Variants in GRIP1 observed in about 807,000 individuals in gnomAD.
GRIP1 encodes the protein glutamate receptor interacting protein 1.
GRIP1 carries 45 observed loss-of-function variants against 129.9 expected under a neutral mutation model. That is an observed-to-expected ratio of 0.35 (90% CI 0.27 to 0.44). The LOEUF (loss-of-function observed/expected upper bound fraction) is 0.44, where lower values mean the gene tolerates loss of function less well. Ranked by LOEUF, GRIP1 falls within the 20% of genes least tolerant of loss-of-function variation. The pLI is 1.00. For missense variants in GRIP1, 1,196 were observed against 1,396.8 expected, an observed-to-expected ratio of 0.86 and a Z score of 2.29; for synonymous variants, 530 against 520.8, an observed-to-expected ratio of 1.02 and a Z score of -0.24.
chr12:66,669,932 T>C (rs1370269289), intron 1 of GRIP1, among the ~76,000 whole-genome samples: 2 of 152,198 alleles, frequency 1.3e-5, no homozygotes, highest in Non-Finnish European at 2.9e-5. Flanking sequence ...TAATTGCAAA[T>C]TTATATAATT....
At chr12:66,586,418 C>T (rs936664635) in intron 2 of GRIP1, among the ~76,000 whole-genome samples, 1 of 152,200 alleles carries the variant, frequency 6.6e-6, no homozygotes, top group Non-Finnish European at 1.5e-5. Context: ...TCTTCCTTCA[C>T]TGCCAACCTC....
Position 66,476,117 on chromosome 12 carries a change from G to C in GRIP1, c.725-10695C>G, listed in dbSNP as rs2138483206. 1.3e-5 allele frequency among the ~76,000 whole-genome samples: 2 copies of C among 152,154 alleles called. 1 individual carries two copies. The highest frequency in any genetic ancestry group is 3.9e-4 in the East Asian group (2 of 5,178). Reference sequence around the variant, plus strand: ...AAAAGATCAACAAAACTGATAGACTGCTAGCAAGACTAATAAAGAAAAGAG... The same window carrying C: ...AAAAGATCAACAAAACTGATAGACTCCTAGCAAGACTAATAAAGAAAAGAG... On this transcript the variant is annotated intron_variant, in intron 7 of 24. Transcript: ENST00000359742.
chr12:66,831,930 C>T (rs762937333), intron 1 of GRIP1, among the ~76,000 whole-genome samples: 25 of 152,078 alleles, frequency 1.6e-4, no homozygotes, highest in Non-Finnish European at 1.3e-4. Flanking sequence ...TATTTTAGTA[C>T]GTGTTTGTAA....
intron 7 of GRIP1, among the ~76,000 whole-genome samples, chr12:66,476,393 G>C (rs565505612): frequency 7.0e-4 from 107 of 152,206 alleles, no homozygotes; most frequent in Non-Finnish European, 1.2e-3. Flanking sequence ...CAACCAAAAA[G>C]AGTCCAGGAT....
rs937649136 is a variant in GRIP1 at position 66,723,715 on chromosome 12, G to C, written c.-420+80338C>G. 9.9e-5 allele frequency among the ~76,000 whole-genome samples: 15 copies of C among 152,070 alleles called. No individual in the cohort carries two copies. In the South Asian group the frequency reaches 2.9e-3, roughly 29 times the overall value. ...CACTGTAAAGCAACACCATAGCAAGGTATCTACATGTAAAACAGTATGAGA... is the reference window on the plus strand; with the variant it reads ...CACTGTAAAGCAACACCATAGCAAGCTATCTACATGTAAAACAGTATGAGA... On this transcript the variant is annotated intron_variant, in intron 1 of 4. Coordinates refer to the GRIP1 transcript ENST00000538373.
Position 66,413,123 on chromosome 12 carries a change from C to T in GRIP1, c.1839-6695G>A, listed in dbSNP as rs148030508. 3.2e-4 allele frequency among the ~76,000 whole-genome samples: 48 copies of T among 152,284 alleles called. No homozygotes were observed. The East Asian group carries it at 7.1e-3, about 23-fold the overall frequency. On this transcript the variant is annotated intron_variant, in intron 15 of 24. Transcript: ENST00000359742. ...ATCAAGTGGACCTGACAGATATCTA[C>T]AGAACTCTCCACCCCAAAACGACAG...
At chr12:66,889,397 G>T (rs536350748) in intron 1 of GRIP1, among the ~76,000 whole-genome samples, 1 of 152,216 alleles carries the variant, frequency 6.6e-6, no homozygotes, top group South Asian at 2.1e-4. Flanking sequence ...GGAGGCAGAG[G>T]TTGCCATGAG....
rs111920395 is a variant in GRIP1 at position 66,358,054 on chromosome 12, C to T, written c.3013-4491G>A. Among the ~76,000 whole-genome samples, 43 of 152,212 alleles carry T rather than the reference C, an allele frequency of 2.8e-4. 1 individual carries two copies. Among genetic ancestry groups the T allele is most frequent in the South Asian group, 1.5e-3 (7 of 4,814 alleles). ...GATTACAGGCACCTGCCCCTACGCC[C>T]GGCTAATGTTTATATTTTTAGTAGA... On this transcript the variant is annotated intron_variant, in intron 23 of 24. Transcript: ENST00000359742.
intron 1 of GRIP1, among the ~76,000 whole-genome samples, chr12:66,884,769 A>C (rs1249579589): frequency 1.3e-5 from 2 of 152,182 alleles, no homozygotes; most frequent in African/African-American, 4.8e-5. Context: ...AAGAACAAAA[A>C]ATAATATGAC....
At chr12:66,933,043 T>TAG (rs2041425686) in intron 1 of GRIP1, among the ~76,000 whole-genome samples, 2 of 152,250 alleles carry the variant, frequency 1.3e-5, no homozygotes, top group Admixed American at 6.5e-5. Context: ...TTCCATTTTA[T>TAG]TAACAATCTT....
At chr12:66,770,124 T>C (rs1210573505) in intron 1 of GRIP1, among the ~76,000 whole-genome samples, 4 of 152,170 alleles carry the variant, frequency 2.6e-5, no homozygotes, top group African/African-American at 4.8e-5. Context: ...AACTAAAACA[T>C]ATAAAGCATT....
intron 1 of GRIP1, among the ~76,000 whole-genome samples, chr12:66,909,816 C>T (rs1485494022): frequency 6.6e-6 from 1 of 152,156 alleles, no homozygotes; most frequent in Non-Finnish European, 1.5e-5. Flanking sequence ...TCTAAAATAT[C>T]ATCTTTAGTT....
At chr12:66,613,566 AG>A (rs1263747645) in intron 1 of GRIP1, among the ~76,000 whole-genome samples, 6 of 152,206 alleles carry the variant, frequency 3.9e-5, no homozygotes, top group Non-Finnish European at 7.3e-5. Context: ...ATGATGACAA[AG>A]GACAGGGTAG....
At chr12:66,616,603 C>T (rs2065047552) in intron 1 of GRIP1, among the ~76,000 whole-genome samples, 1 of 152,074 alleles carries the variant, frequency 6.6e-6, no homozygotes, top group Non-Finnish European at 1.5e-5. Flanking sequence ...CTCCATCCAG[C>T]TGCAAGCAAG....
At chr12:66,676,911 G>A (rs1429879562) in intron 1 of GRIP1, among the ~76,000 whole-genome samples, 1 of 152,164 alleles carries the variant, frequency 6.6e-6, no homozygotes, top group Admixed American at 6.6e-5. Context: ...AGCATGGGTG[G>A]AACTTGAACG....
chr12:66,827,397 A>G (rs898595721), intron 1 of GRIP1, among the ~76,000 whole-genome samples: 1 of 145,376 alleles, frequency 6.9e-6, no homozygotes, highest in African/African-American at 2.5e-5. Flanking sequence ...TGAGAGAGAG[A>G]GAGAGAGAGA....
At chr12:66,452,010 C>T (rs1473994672) in intron 11 of GRIP1, among the ~76,000 whole-genome samples, 3 of 152,232 alleles carry the variant, frequency 2.0e-5, no homozygotes, top group Admixed American at 6.5e-5. Context: ...GGCACTCTCT[C>T]TAATAGTAGT....
At chr12:66,882,161 C>T (rs1161363467) in intron 1 of GRIP1, among the ~76,000 whole-genome samples, 2 of 148,130 alleles carry the variant, frequency 1.4e-5, no homozygotes. Flanking sequence ...GAGACTAAAC[C>T]CTTGAGCCCT....
At chr12:66,420,941 G>GTCT in intron 14 of GRIP1, 152 bp from the exon 15 acceptor site, 4 of 602,662 alleles carry the variant, frequency 6.6e-6, no homozygotes, top group Non-Finnish European at 1.2e-5. Flanking sequence ...TGCACATTAT[G>GTCT]TCTTTACAAA....
Sources: allele counts gnomAD v4.1 joint callset (sites outside exome capture counted in the v4.1 genomes callset), GRCh38; gene constraint gnomAD v4.1.1; transcripts MANE v1.5; gene names NCBI Gene and HGNC (gene_info 2026-07-23, HGNC 2026-07-21).